XYLT1: variants seen among roughly 807,000 people sequenced by gnomAD.
XYLT1 encodes the protein beta-D-xylosyltransferase 1.
Under a neutral mutation model 91.3 loss-of-function variants are expected in XYLT1, and 36 were observed. The observed-to-expected ratio is 0.39, with a 90% confidence interval of 0.30 to 0.52. The LOEUF (loss-of-function observed/expected upper bound fraction) is 0.52. XYLT1 is among the 20% of genes least tolerant of loss of function. The pLI, the probability that XYLT1 is intolerant of heterozygous loss-of-function variation, is 0.68. For missense variants in XYLT1, 1,242 were observed against 1,284.5 expected, an observed-to-expected ratio of 0.97 and a Z score of 0.51; for synonymous variants, 588 against 532.0, an observed-to-expected ratio of 1.11 and a Z score of -1.45.
intron 2 of XYLT1, among the ~76,000 whole-genome samples, chr16:17,332,567 T>TACACACACACAC (rs60919228): frequency 7.1e-4 from 98 of 137,998 alleles, no homozygotes; most frequent in African/African-American, 2.5e-3. Flanking sequence ...ATCACACACA[T>TACACACACACAC]ACACACACAC....
intron 2 of XYLT1, among the ~76,000 whole-genome samples, chr16:17,339,194 TATGGAG>T (rs1048776954): frequency 1.3e-5 from 2 of 152,182 alleles, no homozygotes; most frequent in Non-Finnish European, 2.9e-5. Flanking sequence ...TTTGGGGATC[TATGGAG>T]AGAGAATTCT....
intron 1 of XYLT1, among the ~76,000 whole-genome samples, chr16:17,393,370 G>C (rs1304272689): frequency 6.6e-6 from 1 of 152,198 alleles, no homozygotes; most frequent in East Asian, 1.9e-4. Context: ...CTGTGGAGTG[G>C]TGAAGTGTGG....
intron 1 of XYLT1, among the ~76,000 whole-genome samples, chr16:17,459,371 C>A (rs1398818355): frequency 1.3e-5 from 2 of 152,104 alleles, no homozygotes; most frequent in African/African-American, 4.8e-5. Context: ...GTCCCTGTCT[C>A]AATAAATTAA....
chr16:17,138,561 A>G (rs759128464), intron 7 of XYLT1, 30 bp from the exon 8 acceptor site: 2 of 1,601,872 alleles, frequency 1.2e-6, no homozygotes, highest in Non-Finnish European at 1.7e-6. Context: ...CCAGCCTGAG[A>G]CCTCTCCCAG....
At chr16:17,269,033 G>A (rs2033849254) in intron 2 of XYLT1, among the ~76,000 whole-genome samples, 1 of 152,090 alleles carries the variant, frequency 6.6e-6, no homozygotes, top group Non-Finnish European at 1.5e-5. Context: ...TCATCCTCAG[G>A]GAGGAAGAAT....
intron 1 of XYLT1, among the ~76,000 whole-genome samples, chr16:17,452,495 C>G (rs1318284874): frequency 4.6e-5 from 7 of 152,044 alleles, no homozygotes; most frequent in African/African-American, 1.7e-4. Context: ...TATTTAATGT[C>G]AAAACCTAAA....
At chr16:17,387,630 A>T (rs2035762742) in intron 1 of XYLT1, among the ~76,000 whole-genome samples, 1 of 152,156 alleles carries the variant, frequency 6.6e-6, no homozygotes, top group Non-Finnish European at 1.5e-5. Context: ...GCTGCCTGGC[A>T]GGCAAGGGAA....
At chr16:17,268,667 C>CTTTTTTTTTTTTTTTTTTTTTTTTTTTT (rs56389780) in intron 2 of XYLT1, among the ~76,000 whole-genome samples, 1 of 138,072 alleles carries the variant, frequency 7.2e-6, no homozygotes, top group African/African-American at 2.7e-5. Context: ...GTGATAAATA[C>CTTTTTTTTTTTTTTTTTTTTTTTTTTTT]TTTTTTTTTT....
chr16:17,256,489 A>G (rs568035291), intron 3 of XYLT1, among the ~76,000 whole-genome samples: 1 of 152,052 alleles, frequency 6.6e-6, no homozygotes, highest in East Asian at 1.9e-4. Flanking sequence ...TGTCTCTACT[A>G]AAAATACAAA....
intron 2 of XYLT1, among the ~76,000 whole-genome samples, chr16:17,279,532 G>A (rs536023370): frequency 6.6e-6 from 1 of 152,294 alleles, no homozygotes; most frequent in South Asian, 2.1e-4. Context: ...GGCTGGAAGT[G>A]AGCTGCCCTT....
chr16:17,213,493 T>A (rs974653079), intron 3 of XYLT1, among the ~76,000 whole-genome samples: 2 of 152,166 alleles, frequency 1.3e-5, no homozygotes, highest in African/African-American at 4.8e-5. Flanking sequence ...AAATAAAGAC[T>A]CTGAGTAGTT....
chr16:17,322,684 T>C (rs2034742372), intron 2 of XYLT1, among the ~76,000 whole-genome samples: 2 of 152,216 alleles, frequency 1.3e-5, no homozygotes, highest in African/African-American at 4.8e-5. Context: ...ACTTCCATTG[T>C]CTAGGACACC....
In XYLT1 at chr16:17,141,276, G is replaced by A. The variant is rs143737358; in HGVS notation, c.1464C>T (p.Ala488=). ...LGDRRIPEGI[A]VDGGSDWFLL... Reference sequence around the variant, plus strand: ...GGAACCAGTCCGAACCGCCATCCACGGCAATGCCCTCTGGGATCCGCCGAT... The same window carrying A: ...GGAACCAGTCCGAACCGCCATCCACAGCAATGCCCTCTGGGATCCGCCGAT... The change falls in exon 7 of 12, where the codon GCC becomes GCT. Residue 488 remains alanine (A), a synonymous_variant. Coordinates refer to ENST00000261381, the MANE Select transcript of XYLT1 (RefSeq NM_022166.4). 42 of 1,614,016 alleles carry A rather than the reference G, an allele frequency of 2.6e-5. No homozygotes were observed. The highest frequency in any genetic ancestry group is 3.3e-5 in the South Asian group (3 of 91,090).
chr16:17,215,217 A>G (rs1364500586), intron 3 of XYLT1, among the ~76,000 whole-genome samples: 2 of 152,178 alleles, frequency 1.3e-5, no homozygotes, highest in East Asian at 3.9e-4. Flanking sequence ...TTAGCCAGGC[A>G]TGGTGGTAGG....
chr16:17,381,482 C>T (rs561287556), intron 1 of XYLT1, among the ~76,000 whole-genome samples: 45 of 137,604 alleles, frequency 3.3e-4, no homozygotes, highest in African/African-American at 9.4e-4. Context: ...TGGATTGGAG[C>T]GCAGTGGCAT....
At chr16:17,420,199 GC>G (rs2036234380) in intron 1 of XYLT1, among the ~76,000 whole-genome samples, 1 of 152,092 alleles carries the variant, frequency 6.6e-6, no homozygotes, top group Non-Finnish European at 1.5e-5. Context: ...TATAGCTTGT[GC>G]CCAAACCCTA....
chr16:17,282,921 C>G (rs961386157), intron 2 of XYLT1, among the ~76,000 whole-genome samples: 5 of 152,086 alleles, frequency 3.3e-5, no homozygotes, highest in African/African-American at 1.2e-4. Context: ...TTGCTAACCC[C>G]ATTTCACAGA....
At chr16:17,385,831 A>G (rs2035742118) in intron 1 of XYLT1, among the ~76,000 whole-genome samples, 1 of 152,186 alleles carries the variant, frequency 6.6e-6, no homozygotes, top group Non-Finnish European at 1.5e-5. Flanking sequence ...GAAACACTAC[A>G]GAAGGAGAAA....
chr16:17,226,030 G>A (rs1293454730), intron 3 of XYLT1, among the ~76,000 whole-genome samples: 2 of 148,092 alleles, frequency 1.4e-5, no homozygotes, highest in Non-Finnish European at 2.9e-5. Context: ...ATGAGGTAGT[G>A]GGTTTGAAGG....
Sources: gnomAD v4.1 joint callset for allele counts (sites outside exome capture counted in the v4.1 genomes callset) on GRCh38, gnomAD v4.1.1 for gene constraint, MANE v1.5 for transcripts, NCBI Gene and HGNC (gene_info 2026-07-23, HGNC 2026-07-21) for gene names.